Variants in MAPK10 observed in about 807,000 individuals in gnomAD.
MAPK10 encodes mitogen-activated protein kinase 10.
In MAPK10, 25 loss-of-function variants were observed where a neutral mutation model predicts 59.3. That is an observed-to-expected ratio of 0.42 (90% confidence interval 0.31 to 0.59). The LOEUF (loss-of-function observed/expected upper bound fraction) is 0.59. Among genes scored for constraint, MAPK10 ranks in the 20% least tolerant of loss-of-function variants. The pLI is 0.15. For synonymous variants in MAPK10, 190 were observed against 200.5 expected (o/e 0.95, Z 0.44); for missense variants, 351 against 568.9 (o/e 0.62, Z 3.90).
chr4:86,015,509 A>G lies in MAPK10; in HGVS notation c.*1719T>C, dbSNP rs1415641818. On this transcript the variant is annotated 3_prime_UTR_variant, in exon 14 of 14. Coordinates refer to ENST00000641462, the MANE Select transcript of MAPK10 (RefSeq NM_138982.4). ...CAGAGTGCAAATAACTGTGATGGATACTTCGAAGTGAATAAGAAGGGAAGC... is the reference window on the plus strand; with the variant it reads ...CAGAGTGCAAATAACTGTGATGGATGCTTCGAAGTGAATAAGAAGGGAAGC... The G allele has an allele frequency of 6.6e-6, 1 of 152,220 alleles. No homozygotes were observed. Among genetic ancestry groups the G allele is most frequent in the Non-Finnish European group, 1.5e-5 (1 of 68,046 alleles). 9.4% of individuals were successfully genotyped at this position (152,220 alleles called of 1,614,324 possible).
intron 3 of MAPK10, among the ~76,000 whole-genome samples, chr4:86,167,801 C>T (rs533679407): frequency 6.6e-6 from 1 of 152,250 alleles, no homozygotes; most frequent in Admixed American, 6.5e-5. Context: ...GGAAGCATTC[C>T]CCTTGAAAAC....
At chr4:86,297,750 T>G (rs75773267) in intron 2 of MAPK10, among the ~76,000 whole-genome samples, 1 of 24,682 alleles carries the variant, frequency 4.1e-5, no homozygotes, top group Non-Finnish European at 1.3e-4. Context: ...CTCTACTCTT[T>G]ACTCTAATTT....
chr4:86,228,568 C>T (rs1218279822), intron 2 of MAPK10, among the ~76,000 whole-genome samples: 1 of 152,176 alleles, frequency 6.6e-6, no homozygotes, highest in Admixed American at 6.5e-5. Context: ...TCTTGCTAGA[C>T]CTAGACTGGG....
chr4:86,226,772 G>A (rs958773496), intron 2 of MAPK10, among the ~76,000 whole-genome samples: 1 of 152,138 alleles, frequency 6.6e-6, no homozygotes, highest in African/African-American at 2.4e-5. Context: ...GCGTACTATA[G>A]CATTCTATGT....
At chr4:86,456,245 G>A (rs371784692), upstream of MAPK10, among the ~76,000 whole-genome samples, 14 of 152,072 alleles carry the variant, frequency 9.2e-5, no homozygotes, top group East Asian at 1.9e-3. Context: ...CACACCTCAA[G>A]GAACTAGAGA....
chr4:86,359,288 CTGTGTGTG>C (rs1554248575), intron 1 of MAPK10, among the ~76,000 whole-genome samples: 6 of 94,606 alleles, frequency 6.3e-5, no homozygotes, highest in Admixed American at 2.2e-4. Flanking sequence ...CTCTCTCTCT[CTGTGTGTG>C]TGTGTGTGTG....
intron 1 of MAPK10, among the ~76,000 whole-genome samples, chr4:86,464,715 G>A (rs1219273638): frequency 6.6e-6 from 1 of 152,000 alleles, no homozygotes; most frequent in Non-Finnish European, 1.5e-5. Context: ...AGCTCCTCAG[G>A]AGGCTGAGGC....
At chr4:86,407,016 T>C (rs1744447197) in intron 1 of MAPK10, among the ~76,000 whole-genome samples, 1 of 152,194 alleles carries the variant, frequency 6.6e-6, no homozygotes. Context: ...GGCTCACATG[T>C]TCCTCATAGA....
chr4:86,398,049 G>A (rs1743199372), intron 1 of MAPK10, among the ~76,000 whole-genome samples: 1 of 151,858 alleles, frequency 6.6e-6, no homozygotes, highest in African/African-American at 2.4e-5. Context: ...CCTAACACTA[G>A]TCTTCAACTC....
intron 1 of MAPK10, among the ~76,000 whole-genome samples, chr4:86,567,062 A>T: frequency 6.6e-6 from 1 of 152,180 alleles, no homozygotes; most frequent in East Asian, 1.9e-4. Context: ...CTGTCTCAAA[A>T]CAAAAACAAA....
At position 86,067,767 on chromosome 4, in the gene MAPK10, G is replaced by A; in HGVS notation, c.985+6C>T. ...GTTGTCCTCAAGTCATTCCTGAAGGGCATACCTTTGAGTTTATTGTGCTCG... is the reference window on the plus strand; with the variant it reads ...GTTGTCCTCAAGTCATTCCTGAAGGACATACCTTTGAGTTTATTGTGCTCG... On this transcript the variant is annotated splice_donor_region_variant and intron_variant, in intron 10 of 13. Coordinates refer to ENST00000641462, the MANE Select transcript of MAPK10 (RefSeq NM_138982.4). The A allele has an allele frequency of 1.2e-6, 2 of 1,605,876 alleles. No individual in the cohort carries two copies. The highest frequency in any genetic ancestry group is 1.7e-6 in the Non-Finnish European group (2 of 1,175,702).
chr4:86,059,793 G>C (rs1341711693), intron 11 of MAPK10, among the ~76,000 whole-genome samples: 3 of 152,086 alleles, frequency 2.0e-5, no homozygotes, highest in Admixed American at 6.6e-5. Flanking sequence ...CTCTCTCTCT[G>C]TGGTCTACAT....
At chr4:86,036,871 A>G (rs976932948) in intron 11 of MAPK10, among the ~76,000 whole-genome samples, 3 of 152,196 alleles carry the variant, frequency 2.0e-5, no homozygotes, top group Admixed American at 6.5e-5. Flanking sequence ...GACACTCTAC[A>G]TAGCAATGTT....
At chr4:86,409,900 T>C (rs1329865041) in intron 1 of MAPK10, among the ~76,000 whole-genome samples, 1 of 152,222 alleles carries the variant, frequency 6.6e-6, no homozygotes, top group East Asian at 1.9e-4. Context: ...AATTTCTTTC[T>C]CTTGCCTGAT....
At chr4:86,104,162 TAAAAC>T (rs1342774692) in intron 5 of MAPK10, among the ~76,000 whole-genome samples, 1 of 152,056 alleles carries the variant, frequency 6.6e-6, no homozygotes, top group Non-Finnish European at 1.5e-5. Context: ...GTAATAAACA[TAAAAC>T]AAAATTAGTT....
intron 9 of MAPK10, among the ~76,000 whole-genome samples, chr4:86,086,756 T>C (rs2051962788): frequency 6.6e-6 from 1 of 152,190 alleles, no homozygotes; most frequent in African/African-American, 2.4e-5. Flanking sequence ...ATAATTTTAT[T>C]GTATTTTCAG....
chr4:86,443,129 T>C (rs1749608706), intron 1 of MAPK10, among the ~76,000 whole-genome samples: 1 of 151,954 alleles, frequency 6.6e-6, no homozygotes, highest in Non-Finnish European at 1.5e-5. Context: ...TCTGAATAGA[T>C]AAGTTTTTGT....
intron 1 of MAPK10, among the ~76,000 whole-genome samples, chr4:86,368,087 TTGGCAA>T (rs1394080525): frequency 6.6e-6 from 1 of 152,210 alleles, no homozygotes; most frequent in African/African-American, 2.4e-5. Flanking sequence ...GTCATAGTGA[TTGGCAA>T]TGCTGCGAAT....
At chr4:86,487,245 G>A (rs1271377478) in intron 1 of MAPK10, among the ~76,000 whole-genome samples, 2 of 152,048 alleles carry the variant, frequency 1.3e-5, no homozygotes, top group East Asian at 3.9e-4. Flanking sequence ...TTTGACAACT[G>A]TATTATGGTA....
Sources: allele counts gnomAD v4.1 joint callset (sites outside exome capture counted in the v4.1 genomes callset), GRCh38; gene constraint gnomAD v4.1.1; transcripts MANE v1.5; gene names NCBI Gene and HGNC (gene_info 2026-07-23, HGNC 2026-07-21).